The following SORBS2 variants were observed in gnomAD, a reference collection of about 807,000 sequenced individuals.
SORBS2 encodes sorbin and SH3 domain containing 2, also known as sorbin and SH3 domain-containing protein 2.
SORBS2 carries 46 observed loss-of-function variants against 97.7 expected under a neutral mutation model. The observed-to-expected ratio is 0.47, with a 90% confidence interval of 0.37 to 0.60. SORBS2 has a LOEUF of 0.60. Ranked by LOEUF, SORBS2 falls within the 20% of genes least tolerant of loss-of-function variation. SORBS2 has a pLI of 0.00. For missense variants in SORBS2, 1,316 were observed against 1,282.3 expected, an observed-to-expected ratio of 1.03 and a Z score of -0.40; for synonymous variants, 476 against 473.4, an observed-to-expected ratio of 1.01 and a Z score of -0.07.
intron 2 of SORBS2, among the ~76,000 whole-genome samples, chr4:185,738,217 C>A (rs969100913): frequency 6.6e-6 from 1 of 152,216 alleles, no homozygotes; most frequent in African/African-American, 2.4e-5. Flanking sequence ...ATGACTGTGC[C>A]ATTAACCTTC....
Position 185,919,328 on chromosome 4 carries a change from A to C in SORBS2, c.-338+36868T>G, listed in dbSNP as rs145530854. ...TCATAGGAGGCGCTGCGGAAAGTAC[A>C]TGACATTTGCAGTTGTGGGCGACTG... On this transcript the variant is annotated intron_variant, in intron 1 of 20. Transcript: ENST00000284776. 2.7e-3 allele frequency: 406 copies of C among 152,320 alleles called. 4 individuals are homozygous for C. The highest frequency in any genetic ancestry group is 9.1e-3 in the African/African-American group (380 of 41,566). The allele number at this position is 152,320 out of a possible 1,614,324, so 9.4% of individuals were successfully genotyped here. A position where few individuals can be genotyped will look rare whatever the true frequency, so the allele number is the denominator to read the frequency against.
intron 1 of SORBS2, among the ~76,000 whole-genome samples, chr4:185,879,161 T>TCCC (rs1176185960): frequency 3.8e-4 from 29 of 77,320 alleles, no homozygotes; most frequent in African/African-American, 2.2e-3. Context: ...CCTAATGCTA[T>TCCC]CCCTCCCCCC....
chr4:185,792,786 A>C (rs1281098661), intron 1 of SORBS2, among the ~76,000 whole-genome samples: 1 of 152,200 alleles, frequency 6.6e-6, no homozygotes, highest in African/African-American at 2.4e-5. Flanking sequence ...TAAAATGAGA[A>C]ATGTAACATT....
At chr4:185,603,170 G>A (rs555245611) in intron 12 of SORBS2, among the ~76,000 whole-genome samples, 32 of 152,136 alleles carry the variant, frequency 2.1e-4, no homozygotes, top group South Asian at 4.2e-4. Flanking sequence ...TGCGTCCTCC[G>A]TCTTTCCAAA....
chr4:185,879,144 T>C (rs1450891342), intron 1 of SORBS2, among the ~76,000 whole-genome samples: 15 of 140,982 alleles, frequency 1.1e-4, no homozygotes, highest in South Asian at 2.2e-4. Flanking sequence ...TTACATTAGG[T>C]ATATCTCCTA....
chr4:185,635,090 G>A (rs180751011), intron 4 of SORBS2, among the ~76,000 whole-genome samples: 20 of 152,146 alleles, frequency 1.3e-4, no homozygotes, highest in Admixed American at 3.9e-4. Context: ...TAATTTTCAC[G>A]CTGCTGAATA....
At chr4:185,804,095 G>T (rs2099142849) in intron 1 of SORBS2, among the ~76,000 whole-genome samples, 1 of 152,112 alleles carries the variant, frequency 6.6e-6, no homozygotes, top group African/African-American at 2.4e-5. Flanking sequence ...GGATTGCTTT[G>T]ATACTTAGCT....
intron 2 of SORBS2, among the ~76,000 whole-genome samples, chr4:185,756,841 C>T (rs974751569): frequency 2.0e-5 from 3 of 151,432 alleles, no homozygotes; most frequent in Non-Finnish European, 2.9e-5. Context: ...CAACCCTCTA[C>T]GTCTAATCAG....
intron 4 of SORBS2, among the ~76,000 whole-genome samples, chr4:185,642,090 G>A (rs763653876): frequency 1.4e-4 from 22 of 152,084 alleles, no homozygotes; most frequent in Middle Eastern, 3.4e-3. Context: ...ATTGACTACC[G>A]TGTTTTATAT....
intron 1 of SORBS2, among the ~76,000 whole-genome samples, chr4:185,949,821 C>T (rs1024396785): frequency 2.6e-5 from 4 of 152,110 alleles, no homozygotes; most frequent in Non-Finnish European, 5.9e-5. Context: ...CAATAGCATC[C>T]TCACAATGCT....
intron 12 of SORBS2, among the ~76,000 whole-genome samples, chr4:185,604,926 G>A (rs1031144921): frequency 2.0e-5 from 3 of 152,122 alleles, no homozygotes; most frequent in South Asian, 2.1e-4. Context: ...GTGGCCCCGC[G>A]TGCAGGGTGT....
chr4:185,807,008 A>G (rs1561155541), intron 1 of SORBS2, among the ~76,000 whole-genome samples: 1 of 152,368 alleles, frequency 6.6e-6, no homozygotes, highest in East Asian at 1.9e-4. Flanking sequence ...ATAATTCATT[A>G]TAAGACTTGT....
rs936713465 is a variant in SORBS2 at position 185,757,060 on chromosome 4, A to C, written c.-198+18167T>G. On this transcript the variant is annotated intron_variant, in intron 2 of 20. Coordinates refer to the SORBS2 transcript ENST00000284776. ...TGCATGATGAACTTCGCAGGCTTCC[A>C]TTTTTGTTCACTTTGGGATGGTTTT... The C allele has an allele frequency of 4.0e-6, 3 of 743,202 alleles. No homozygotes were observed. In the African/African-American group the frequency reaches 5.2e-5, roughly 13 times the overall value. The allele number at this position is 743,202 out of a possible 1,614,324, so 46.0% of individuals were successfully genotyped here. A position where few individuals can be genotyped will look rare whatever the true frequency, so the allele number is the denominator to read the frequency against.
rs57011530 is a variant in SORBS2 at position 185,705,611 on chromosome 4, T to G, written c.-197-26789A>C. ...AAGTTTAATATTGATATGTTCTATATGCAAACATGAATGGGGGTTTTCCGT... is the reference window on the plus strand; with the variant it reads ...AAGTTTAATATTGATATGTTCTATAGGCAAACATGAATGGGGGTTTTCCGT... On this transcript the variant is annotated intron_variant, in intron 2 of 20. Coordinates refer to the SORBS2 transcript ENST00000284776. Among the ~76,000 whole-genome samples, 1,139 of 152,312 alleles carry G rather than the reference T, an allele frequency of 7.5e-3. 14 individuals carry two copies. Among genetic ancestry groups the G allele is most frequent in the African/African-American group, 0.026 (1,084 of 41,552 alleles).
intron 1 of SORBS2, among the ~76,000 whole-genome samples, chr4:185,896,413 G>A (rs1435308430): frequency 2.0e-5 from 3 of 151,972 alleles, no homozygotes; most frequent in Admixed American, 6.6e-5. Context: ...GTGAAACCCC[G>A]TCTCTACTAA....
At chr4:185,718,203 C>G (rs1217962708) in intron 2 of SORBS2, among the ~76,000 whole-genome samples, 1 of 151,890 alleles carries the variant, frequency 6.6e-6, no homozygotes, top group African/African-American at 2.4e-5. Context: ...TGCACTTCAG[C>G]CTGGGTGTCA....
chr4:185,660,850 C>T (rs75898862), upstream of SORBS2, among the ~76,000 whole-genome samples: 966 of 152,308 alleles, frequency 6.3e-3, 11 homozygotes, highest in African/African-American at 0.022. Flanking sequence ...TTCCCCTCTG[C>T]TCCCTGCTGT....
exon 15 of SORBS2, chr4:185,587,564 T>C: frequency 1.4e-6 from 2 of 1,472,060 alleles, no homozygotes; most frequent in Non-Finnish European, 1.9e-6. Flanking sequence ...CGCGGGGTGT[T>C]TCAGGCGCGT....
chr4:185,805,626 T>C (rs530763561), intron 1 of SORBS2, among the ~76,000 whole-genome samples: 2 of 152,326 alleles, frequency 1.3e-5, no homozygotes, highest in East Asian at 3.9e-4. Context: ...CCTGGCGCTC[T>C]AGGTCCATCC....
Sources: gnomAD v4.1 joint callset for allele counts (sites outside exome capture counted in the v4.1 genomes callset) on GRCh38, gnomAD v4.1.1 for gene constraint, MANE v1.5 for transcripts, NCBI Gene and HGNC (gene_info 2026-07-23, HGNC 2026-07-21) for gene names.